MGST1: variants seen among roughly 807,000 people sequenced by gnomAD.
MGST1 encodes the protein microsomal glutathione S-transferase 1.
Under a neutral mutation model 8.9 loss-of-function variants are expected in MGST1, and 5 were observed. The ratio of observed to expected loss-of-function variants is 0.56; its 90% confidence interval spans 0.29 to 1.19. MGST1 has a LOEUF of 1.19. Among genes scored for constraint, MGST1 ranks in the 50% most tolerant of loss-of-function variants. The probability of loss-of-function intolerance (pLI) is 0.08; values close to 1 mark genes in which losing one functional copy is unlikely to be tolerated. For missense variants in MGST1, 182 were observed against 187.4 expected, an observed-to-expected ratio of 0.97 and a Z score of 0.17; for synonymous variants, 54 against 67.8, an observed-to-expected ratio of 0.80 and a Z score of 1.00.
chr12:16,443,959 C>G (rs1428375807), intron 4 of MGST1, among the ~76,000 whole-genome samples: 3 of 151,934 alleles, frequency 2.0e-5, no homozygotes, highest in Non-Finnish European at 4.4e-5. Context: ...CAACTTGCCA[C>G]TAAATTGTTG....
chr12:16,450,829 A>G (rs568304961), intron 4 of MGST1, among the ~76,000 whole-genome samples: 1 of 127,530 alleles, frequency 7.8e-6, no homozygotes, highest in African/African-American at 2.9e-5. Context: ...GTTTTCAAAT[A>G]TATATATTCC....
At chr12:16,419,778 C>G (rs542718839) in intron 1 of MGST1, among the ~76,000 whole-genome samples, 5 of 152,226 alleles carry the variant, frequency 3.3e-5, no homozygotes, top group African/African-American at 1.2e-4. Flanking sequence ...TGGCCGTAAT[C>G]TTTGCCTTTC....
At chr12:16,435,210 AT>A (rs1007324068) in intron 1 of MGST1, among the ~76,000 whole-genome samples, 1 of 151,884 alleles carries the variant, frequency 6.6e-6, no homozygotes, top group Non-Finnish European at 1.5e-5. Context: ...GATTTTATTT[AT>A]TTATCTCAAT....
intron 3 of MGST1, among the ~76,000 whole-genome samples, chr12:16,360,077 C>T (rs552723983): frequency 1.0e-3 from 153 of 152,276 alleles, no homozygotes; most frequent in African/African-American, 3.4e-3. Context: ...GTGCACAGCG[C>T]CCCCTGGTGA....
chr12:16,394,023 C>T (rs145967762), intron 1 of MGST1, among the ~76,000 whole-genome samples: 33 of 152,206 alleles, frequency 2.2e-4, no homozygotes, highest in African/African-American at 6.3e-4. Flanking sequence ...AATCTATTCT[C>T]TGGACTATAT....
chr12:16,487,212 A>G (rs983469866), intron 4 of MGST1, among the ~76,000 whole-genome samples: 13 of 152,270 alleles, frequency 8.5e-5, no homozygotes, highest in African/African-American at 2.2e-4. Context: ...GTTCCCTTCC[A>G]CTGGGTGAGT....
intron 4 of MGST1, among the ~76,000 whole-genome samples, chr12:16,449,343 C>T (rs776581785): frequency 3.3e-5 from 5 of 151,932 alleles, no homozygotes; most frequent in Non-Finnish European, 7.4e-5. Flanking sequence ...TAAACCCACT[C>T]ATCACCAAGA....
At chr12:16,440,956 T>C (rs1941034002), downstream of MGST1, among the ~76,000 whole-genome samples, 1 of 151,878 alleles carries the variant, frequency 6.6e-6, no homozygotes, top group Non-Finnish European at 1.5e-5. Context: ...AATTTGCTTT[T>C]CTTTAATAAA....
chr12:16,515,216 T>C (rs924466613), intron 4 of MGST1, among the ~76,000 whole-genome samples: 2 of 152,194 alleles, frequency 1.3e-5, no homozygotes, highest in African/African-American at 4.8e-5. Context: ...ATTCCTGTCA[T>C]ATTTAAGAAA....
chr12:16,401,617 C>A lies in MGST1; in HGVS notation n.778+18013C>A. On this transcript the variant is annotated intron_variant and non_coding_transcript_variant, in intron 1 of 1. Coordinates refer to the MGST1 transcript ENST00000359720. This position sits in a 1 kb window ranked among gnomAD's most constrained non-coding sequence, Gnocchi z 4.3. ...ATACCCATGGCACAAGTGATAGCCC[C>A]AAAATACATGTGATTCTTGTCACTC... 2 of 1,566,866 alleles carry A rather than the reference C, an allele frequency of 1.3e-6. No homozygotes were observed. Among genetic ancestry groups the A allele is most frequent in the Non-Finnish European group, 1.8e-6 (2 of 1,137,062 alleles).
At chr12:16,393,000 T>C (rs1017300796) in intron 1 of MGST1, among the ~76,000 whole-genome samples, 1 of 152,164 alleles carries the variant, frequency 6.6e-6, no homozygotes, top group Non-Finnish European at 1.5e-5. Flanking sequence ...CCCTTAACCA[T>C]ATATAGAAAA....
intron 1 of MGST1, among the ~76,000 whole-genome samples, chr12:16,351,074 A>G (rs1169097482): frequency 6.6e-6 from 1 of 152,196 alleles, no homozygotes; most frequent in African/African-American, 2.4e-5. Flanking sequence ...TTGTTCCATC[A>G]ATACATAAAT....
intron 4 of MGST1, among the ~76,000 whole-genome samples, chr12:16,545,132 G>T (rs555438095): frequency 6.6e-6 from 1 of 152,056 alleles, no homozygotes; most frequent in East Asian, 1.9e-4. Flanking sequence ...CTTATTACAT[G>T]GGATTTTAGT....
intron 4 of MGST1, among the ~76,000 whole-genome samples, chr12:16,554,999 T>C (rs951935841): frequency 6.6e-6 from 1 of 152,208 alleles, no homozygotes; most frequent in Non-Finnish European, 1.5e-5. Flanking sequence ...CTTCTAACTG[T>C]AATCTTGGGC....
At chr12:16,400,952 C>G in intron 1 of MGST1, 1 of 1,354,728 alleles carries the variant, frequency 7.4e-7, no homozygotes, top group South Asian at 1.2e-5. Flanking sequence ...AGTCAGTCAC[C>G]TCTTTGCTTC....
intron 4 of MGST1, among the ~76,000 whole-genome samples, chr12:16,504,808 A>G (rs569390817): frequency 6.6e-6 from 1 of 152,288 alleles, no homozygotes; most frequent in South Asian, 2.1e-4. Context: ...AATCCCCACA[A>G]ACTTGCTTAA....
rs531922510 is a variant in MGST1, at chr12:16,347,772, G to T, written c.-23+62G>T. ...AGGGTGGCAGGCAGGGAGGGCCAGG[G>T]TGGGTGGCAGATGGAAGACTTGGGG... On this transcript the variant is annotated intron_variant, in intron 1 of 3. Transcript: ENST00000396210. This position sits in a 1 kb window ranked among gnomAD's most constrained non-coding sequence, Gnocchi z 4.0. 42 of 152,662 alleles carry T rather than the reference G, an allele frequency of 2.8e-4. No individual in the cohort carries two copies. The East Asian group carries it at 4.2e-3, about 15-fold the overall frequency. 9.5% of individuals were successfully genotyped at this position (152,662 alleles called of 1,614,324 possible). A position where few individuals can be genotyped will look rare whatever the true frequency, so the allele number is the denominator to read the frequency against.
chr12:16,435,646 G>A (rs1317504119), intron 1 of MGST1, among the ~76,000 whole-genome samples: 1 of 151,808 alleles, frequency 6.6e-6, no homozygotes, highest in Non-Finnish European at 1.5e-5. Flanking sequence ...GCTAGAGATA[G>A]GGAAATAAAA....
chr12:16,523,572 T>TA (rs1262329546), intron 4 of MGST1, among the ~76,000 whole-genome samples: 3 of 149,092 alleles, frequency 2.0e-5, no homozygotes, highest in South Asian at 2.4e-4. Context: ...TTCTGGTACT[T>TA]AAAAAAAATG....
Sources: allele counts gnomAD v4.1 joint callset (sites outside exome capture counted in the v4.1 genomes callset), GRCh38; gene constraint gnomAD v4.1.1; non-coding constraint Gnocchi (gnomAD v3.1); transcripts MANE v1.5; gene names NCBI Gene and HGNC (gene_info 2026-07-23, HGNC 2026-07-21).